ZNF469: variants seen among roughly 807,000 people sequenced by gnomAD.
ZNF469 encodes zinc finger protein 469.
ZNF469 carries 1 observed loss-of-function variant against 1.0 expected under a neutral mutation model. The ratio of observed to expected loss-of-function variants is 1.00; its 90% CI spans 0.35 to 4.73. The LOEUF (loss-of-function observed/expected upper bound fraction) is 4.73, where lower values mean the gene tolerates loss of function less well. ZNF469 is among the 30% of genes most tolerant of loss of function. ZNF469 has a pLI of 0.16. For missense variants in ZNF469, 6,100 were observed against 5,356.3 expected (o/e 1.14, Z -4.33); for synonymous variants, 2,703 against 2,363.4 (o/e 1.14, Z -4.17).
At chr16:88,187,869 A>ACTGC in the ZNF469 span, among the ~76,000 whole-genome samples, 17 of 152,086 alleles carry the variant, frequency 1.1e-4, no homozygotes, top group Non-Finnish European at 2.2e-4. Context: ...AATCACATTG[A>ACTGC]CTGCCCTCTC....
At chr16:88,172,800 G>A in the ZNF469 span, among the ~76,000 whole-genome samples, 3 of 152,320 alleles carry the variant, frequency 2.0e-5, no homozygotes, top group South Asian at 6.2e-4. Context: ...TTTAGAGATA[G>A]AAATTTAATA....
intron 1 of ZNF469, among the ~76,000 whole-genome samples, chr16:88,394,675 G>C (rs1904604206): frequency 6.6e-6 from 1 of 152,166 alleles, no homozygotes; most frequent in South Asian, 2.1e-4. Context: ...GAGGTACCTT[G>C]TCATTTTTTT....
the ZNF469 span, among the ~76,000 whole-genome samples, chr16:88,346,665 G>C: frequency 6.6e-6 from 1 of 152,034 alleles, no homozygotes; most frequent in Admixed American, 6.5e-5. Flanking sequence ...CTACAGGTGC[G>C]CACCACCACA....
In ZNF469 at chr16:88,434,395, C is replaced by G. The variant is rs1187936643; in HGVS notation, c.6925C>G (p.Gln2309Glu). Residue 2309 changes from glutamine (Q) to glutamate (E), a missense_variant, in exon 3 of 3, where the codon CAG (glutamine) becomes GAG (glutamate). Physicochemically the swap from Gln to Glu is conservative, Grantham distance 29 (BLOSUM62 2). Coordinates refer to ENST00000565624, the MANE Select transcript of ZNF469 (RefSeq NM_001367624.2). ...CAGGGGACTCCCAGGGCCAGACCCC[C>G]AGAGCAGGGGAGCCCCGCCCCACAC... ...AGRGLPGPDP[Q>E]SRGAPPHTNP... The G allele has an allele frequency of 2.6e-6, 4 of 1,549,776 alleles. No individual in the cohort carries two copies. The African/African-American group carries it at 5.5e-5, about 21-fold the overall frequency.
chr16:88,167,077 TC>T, the ZNF469 span, among the ~76,000 whole-genome samples: 6,097 of 134,670 alleles, frequency 0.045, 540 homozygotes, highest in African/African-American at 0.065. Context: ...TTTTTTTTTT[TC>T]TAAGAGGGAA....
At chr16:88,264,973 G>A in the ZNF469 span, among the ~76,000 whole-genome samples, 2 of 152,090 alleles carry the variant, frequency 1.3e-5, no homozygotes, top group Non-Finnish European at 2.9e-5. Flanking sequence ...GCGGTTCTGT[G>A]CTCAGCAAGG....
chr16:88,394,250 G>A (rs1904590034), intron 1 of ZNF469, among the ~76,000 whole-genome samples: 1 of 151,990 alleles, frequency 6.6e-6, no homozygotes, highest in Non-Finnish European at 1.5e-5. Flanking sequence ...AGCAGGGTTT[G>A]ACACGTCTAC....
the ZNF469 span, among the ~76,000 whole-genome samples, chr16:88,203,318 G>A: frequency 1.2e-4 from 18 of 152,278 alleles, no homozygotes; most frequent in East Asian, 1.9e-4. Context: ...TTACTCATCC[G>A]CCCGCTCTGT....
At chr16:88,195,523 G>A in the ZNF469 span, among the ~76,000 whole-genome samples, 1 of 152,212 alleles carries the variant, frequency 6.6e-6, no homozygotes, top group Admixed American at 6.5e-5. Context: ...GGGGCTGTCG[G>A]CTGATCCTGG....
chr16:88,406,428 C>T (rs1905031279), intron 1 of ZNF469, among the ~76,000 whole-genome samples: 1 of 152,270 alleles, frequency 6.6e-6, no homozygotes, highest in Admixed American at 6.5e-5. Flanking sequence ...CCCGCTGTGG[C>T]CTTCCTGTCC....
the ZNF469 span, among the ~76,000 whole-genome samples, chr16:88,223,756 G>A: frequency 5.3e-5 from 8 of 152,256 alleles, no homozygotes; most frequent in African/African-American, 4.8e-5. Context: ...CATCCAGCCC[G>A]CTGTGTCCTT....
rs1344872116 is a variant in ZNF469, at chr16:88,432,883, C to T, written c.5413C>T (p.Pro1805Ser). 1.9e-6 allele frequency: 3 copies of T among 1,550,358 alleles called. No individual in the cohort carries two copies. Among genetic ancestry groups the T allele is most frequent in the African/African-American group, 2.7e-5 (2 of 73,164 alleles). Residue 1805 changes from proline (P) to serine (S), a missense_variant, in exon 3 of 3, where the codon CCT becomes TCT. By Grantham distance (74) the Pro-to-Ser change is moderately conservative. Coordinates refer to ENST00000565624, the MANE Select transcript of ZNF469 (RefSeq NM_001367624.2). The stretch of plus-strand genomic sequence containing the variant: ...TGGCAGCCCTGCTGTCCATCTGGCC[C>T]CTGACTTGGCATTTCAGGGTGACGG... ...AFGSPAVHLA[P>S]DLAFQGDGAP...
At chr16:88,107,297 G>T in the ZNF469 span, among the ~76,000 whole-genome samples, 1 of 152,226 alleles carries the variant, frequency 6.6e-6, no homozygotes, top group African/African-American at 2.4e-5. Context: ...CATGGCTGGG[G>T]AGGCCTCAGG....
the ZNF469 span, among the ~76,000 whole-genome samples, chr16:88,345,434 G>A: frequency 1.2e-3 from 176 of 152,318 alleles, no homozygotes; most frequent in African/African-American, 3.8e-3. Context: ...CTTATGGGAC[G>A]GCACAGCCAT....
the ZNF469 span, among the ~76,000 whole-genome samples, chr16:88,296,614 T>G: frequency 2.7e-5 from 4 of 149,724 alleles, no homozygotes; most frequent in Admixed American, 6.6e-5. Context: ...ACAGACATGC[T>G]CACACTCATG....
Position 88,428,296 on chromosome 16 carries a change from C to T in ZNF469, c.826C>T (p.Pro276Ser). The change falls in exon 3 of 3, where the codon CCC becomes TCC. Residue 276 changes from proline to serine, a missense_variant. Transcript: ENST00000565624. ...CCCCAGGGGAGTTTCCTTCCAGTTC[C>T]CCTTCCCGGCACTGCATGGGGCCAG... ...GSPRGVSFQF[P>S]FPALHGASTK... The T allele has an allele frequency of 6.5e-7, 1 of 1,550,382 alleles. No individual in the cohort carries two copies. The highest frequency in any genetic ancestry group is 8.7e-7 in the Non-Finnish European group (1 of 1,146,938).
the ZNF469 span, among the ~76,000 whole-genome samples, chr16:88,334,006 GTGTT>G: frequency 1.1e-3 from 170 of 149,980 alleles, 1 homozygote; most frequent in African/African-American, 3.5e-3. Context: ...CTGTGTCTAT[GTGTT>G]TGTGTGTGTG....
chr16:88,369,275 C>T, the ZNF469 span, among the ~76,000 whole-genome samples: 4 of 152,194 alleles, frequency 2.6e-5, no homozygotes, highest in Admixed American at 2.6e-4. Context: ...GGACGCCCAG[C>T]ACATGCATCA....
the ZNF469 span, among the ~76,000 whole-genome samples, chr16:88,228,972 A>C: frequency 9.9e-5 from 15 of 152,266 alleles, no homozygotes; most frequent in African/African-American, 3.4e-4. Context: ...CCGGGCACCC[A>C]TATCTGCCGT....
Sources: gnomAD v4.1 joint callset for allele counts (sites outside exome capture counted in the v4.1 genomes callset) on GRCh38, gnomAD v4.1.1 for gene constraint, MANE v1.5 for transcripts, NCBI Gene and HGNC (gene_info 2026-07-23, HGNC 2026-07-21) for gene names.